SEC16A: variants seen among roughly 807,000 people sequenced by gnomAD.
The protein encoded by SEC16A is protein transport protein Sec16A.
In SEC16A, 110 loss-of-function variants were observed where a neutral mutation model predicts 221.9. That is an observed-to-expected ratio of 0.50 (90% CI 0.42 to 0.58). SEC16A has a LOEUF of 0.58. SEC16A is among the 20% of genes least tolerant of loss of function. The pLI is 0.00. For synonymous variants in SEC16A, 1,393 were observed against 1,257.7 expected (o/e 1.11, Z -2.28); for missense variants, 3,165 against 3,097.8 (o/e 1.02, Z -0.52).
At chr9:136,471,588 C>T (rs1840877898) in intron 4 of SEC16A, among the ~76,000 whole-genome samples, 2 of 152,216 alleles carry the variant, frequency 1.3e-5, no homozygotes, top group Admixed American at 1.3e-4. Flanking sequence ...CCTCCGGAGA[C>T]CGGTGAAAAG....
In SEC16A at chr9:136,459,653, G is replaced by T; in HGVS notation, c.5192-98C>A. On this transcript the variant is annotated intron_variant, in intron 15 of 31. Transcript: ENST00000684901. The surrounding 1 kb of genome is among the most constrained non-coding windows in gnomAD (Gnocchi z 6.1). The stretch of plus-strand genomic sequence containing the variant: ...CAGAAGGCACCAGAGACGCCAGCCG[G>T]ACCGAGAAGGCCGGGTTCTGGTGAT... The T allele has an allele frequency of 7.4e-7, 1 of 1,356,210 alleles. No homozygotes were observed. The highest frequency in any genetic ancestry group is 1.3e-5 in the South Asian group (1 of 79,760). The allele number at this position is 1,356,210 out of a possible 1,614,324, so 84.0% of individuals were successfully genotyped here.
At chr9:136,461,354 C>A in intron 12 of SEC16A, 80 bp from the exon 13 acceptor site, 2 of 999,314 alleles carry the variant, frequency 2.0e-6, no homozygotes, top group South Asian at 2.7e-5. Flanking sequence ...CATGTGTCCT[C>A]ACGCAGCAGC....
chr9:136,456,762 T>C (rs1330431063), intron 18 of SEC16A, among the ~76,000 whole-genome samples: 10 of 152,176 alleles, frequency 6.6e-5, no homozygotes, highest in Admixed American at 6.5e-4. Flanking sequence ...ATGCCGCCTC[T>C]GTTTTACAGG....
chr9:136,447,201 G>T lies in SEC16A; in HGVS notation c.6697+26C>A. The T allele has an allele frequency of 1.9e-6, 3 of 1,581,302 alleles. No individual in the cohort carries two copies. Among genetic ancestry groups the T allele is most frequent in the Non-Finnish European group, 1.7e-6 (2 of 1,164,430 alleles). On this transcript the variant is annotated intron_variant, in intron 27 of 31. Transcript: ENST00000684901. This position sits in a 1 kb window ranked among gnomAD's most constrained non-coding sequence, Gnocchi z 5.5. ...GGTCAGGAGACTGGGGGCTGACCTGGAGGGGCTGGTGCTCGTGCTACCTAC... is the reference window on the plus strand; with the variant it reads ...GGTCAGGAGACTGGGGGCTGACCTGTAGGGGCTGGTGCTCGTGCTACCTAC...
chr9:136,483,384 T>G, upstream of SEC16A: 23 of 178,752 alleles, frequency 1.3e-4, no homozygotes, highest in South Asian at 2.4e-4. Flanking sequence ...TCCCGCCCCC[T>G]TAGCCCCGCC....
In SEC16A at chr9:136,459,125, C is replaced by G; in HGVS notation, c.5409+9G>C. On this transcript the variant is annotated intron_variant, in intron 17 of 31. Transcript: ENST00000684901. The surrounding 1 kb of genome is among the most constrained non-coding windows in gnomAD (Gnocchi z 6.1). ...CCATGACAGCTGCAGGCTGGCAGCACCTGCTTACCTGGAAACTAGGCAGGG... is the reference window on the plus strand; with the variant it reads ...CCATGACAGCTGCAGGCTGGCAGCAGCTGCTTACCTGGAAACTAGGCAGGG... 1.2e-6 allele frequency: 2 copies of G among 1,600,710 alleles called. No homozygotes were observed. Among genetic ancestry groups the G allele is most frequent in the Non-Finnish European group, 1.7e-6 (2 of 1,170,870 alleles).
At chr9:136,481,399 G>A (rs565158779) in intron 1 of SEC16A, among the ~76,000 whole-genome samples, 306 of 152,164 alleles carry the variant, frequency 2.0e-3, no homozygotes, top group Non-Finnish European at 3.5e-3. Context: ...CAGCCTCCCA[G>A]AGTGCTGGGA....
upstream of SEC16A, chr9:136,483,429 C>T (rs1185989266): frequency 7.5e-5 from 49 of 653,758 alleles, 1 homozygote; most frequent in Non-Finnish European, 8.3e-5. Context: ...TCCTGTCGTT[C>T]CCGCCCCTTT....
Position 136,476,987 on chromosome 9 carries a change from T to C in SEC16A, c.629A>G (p.Gln210Arg), listed in dbSNP as rs1841732102. 6.2e-7 allele frequency: 1 copy of C among 1,613,184 alleles called. No homozygotes were observed. The highest frequency in any genetic ancestry group is 1.3e-5 in the African/African-American group (1 of 74,912). Residue 210 changes from glutamine to arginine, a missense_variant, in exon 3 of 32, where the codon CAG (glutamine) becomes CGG (arginine). By Grantham distance (43) the Gln-to-Arg change is conservative. This residue lies in a region of SEC16A where 2,030 missense variants were observed against 1,923.1 expected (regional missense o/e 1.06). Transcript: ENST00000684901. ...ASPSLPQPGL[Q>R]MPGQWGPVQG... ...CACTGGCCCCCACTGTCCTGGCATC[T>C]GCAGACCAGGCTGAGGGAGGGAAGG... is the stretch of plus-strand genomic sequence containing the variant.
In SEC16A at chr9:136,463,010, C is replaced by T. The variant is rs370959810; in HGVS notation, c.4770G>A (p.Val1590=). The change falls in exon 12 of 32, where the codon GTG becomes GTA. Residue 1590 remains valine, a synonymous_variant. Transcript: ENST00000684901. The stretch of plus-strand genomic sequence containing the variant: ...GGGCCTCACCAGACTCCTCCTCTTC[C>T]ACCTGCTCCACTGCCTCATTCGTGA... ...IDFTNEAVEQ[V]EEEESGEAQL... 29 of 1,611,626 alleles carry T rather than the reference C, an allele frequency of 1.8e-5. No individual in the cohort carries two copies. The highest frequency in any genetic ancestry group is 2.3e-5 in the Non-Finnish European group (27 of 1,179,904).
At chr9:136,463,383 C>A in intron 11 of SEC16A, 80 bp downstream of exon 11, 1 of 1,554,530 alleles carries the variant, frequency 6.4e-7, no homozygotes, top group Non-Finnish European at 8.8e-7. Flanking sequence ...TCCCGCCCTG[C>A]TCCTTCGGGA....
Position 136,476,026 on chromosome 9 carries a change from G to C in SEC16A, c.1590C>G (p.His530Gln). 6.2e-7 allele frequency: 1 copy of C among 1,613,280 alleles called. No individual in the cohort carries two copies. The highest frequency in any genetic ancestry group is 8.5e-7 in the Non-Finnish European group (1 of 1,179,850). The change falls in exon 3 of 32, where the codon CAC (histidine) becomes CAG (glutamine). Residue 530 changes from histidine (H) to glutamine (Q), a missense_variant. This residue lies in a region of SEC16A where 2,030 missense variants were observed against 1,923.1 expected (regional missense o/e 1.06). Transcript: ENST00000684901. ...SVSSSYSSRS[H>Q]GRLSGSARPQ... ...GCCTGGCTGAGCCTGAGAGCCTTCCGTGGCTTCTGCTGCTATAGCTGGATG... is the reference window on the plus strand; with the variant it reads ...GCCTGGCTGAGCCTGAGAGCCTTCCCTGGCTTCTGCTGCTATAGCTGGATG...
chr9:136,475,588 G>T lies in SEC16A; in HGVS notation c.2028C>A (p.Pro676=). 1 of 1,613,618 alleles carries T rather than the reference G, an allele frequency of 6.2e-7. No homozygotes were observed. The highest frequency in any genetic ancestry group is 8.5e-7 in the Non-Finnish European group (1 of 1,179,794). The change falls in exon 3 of 32, where the codon CCC becomes CCA. Residue 676 remains proline (P), a synonymous_variant. Transcript: ENST00000684901. This position sits in a 1 kb window ranked among gnomAD's most constrained non-coding sequence, Gnocchi z 5.0. ...CTTCCGTGGTGGAGTTAAGAGGCAG[G>T]GGACAGACCTGGGGTGCACAGAGGG... The part of the protein sequence containing the change: ...METLCAPQVC[P]LPLNSTTEAV...
At chr9:136,453,558 G>A in intron 21 of SEC16A, 48 bp from the exon 22 acceptor site, 1 of 1,483,610 alleles carries the variant, frequency 6.7e-7, no homozygotes, top group Non-Finnish European at 9.4e-7. Context: ...CGAGAAGGCG[G>A]GACGTGTGTG....
At chr9:136,463,429 A>G in intron 11 of SEC16A, 34 bp downstream of exon 11, 1 of 1,603,006 alleles carries the variant, frequency 6.2e-7, no homozygotes, top group Non-Finnish European at 8.5e-7. Flanking sequence ...AAGACCAGCA[A>G]GAAGAAACAC....
intron 12 of SEC16A, 26 bp from the exon 13 acceptor site, chr9:136,461,300 GGT>G (rs1564493583): frequency 1.3e-6 from 2 of 1,548,946 alleles, no homozygotes; most frequent in Non-Finnish European, 1.8e-6. Flanking sequence ...CAGGGACCTT[GGT>G]GGGTTATCGG....
Position 136,476,432 on chromosome 9 carries a change from G to A in SEC16A, c.1184C>T (p.Ser395Phe). Reference protein sequence around the residue: ...ENLSSEKAGLSGQADFDDFCS... With the variant: ...ENLSSEKAGLFGQADFDDFCS... Reference sequence around the variant, plus strand: ...GAAATCGTCAAAGTCCGCTTGACCAGATAAGCCTGCTTTTTCAGATGAGAG... The same window carrying A: ...GAAATCGTCAAAGTCCGCTTGACCAAATAAGCCTGCTTTTTCAGATGAGAG... The change falls in exon 3 of 32, where the codon TCT (serine) becomes TTT (phenylalanine). Residue 395 changes from serine to phenylalanine, a missense_variant. Around this residue, in one of 3 missense-constraint regions of SEC16A, gnomAD observed 2,030 missense variants for 1,923.1 expected, o/e 1.06. Transcript: ENST00000684901. The A allele has an allele frequency of 4.3e-6, 7 of 1,613,088 alleles. No homozygotes were observed. The highest frequency in any genetic ancestry group is 5.9e-6 in the Non-Finnish European group (7 of 1,179,842).
At position 136,451,400 on chromosome 9, in the gene SEC16A, C is replaced by T. The variant is rs368869600; in HGVS notation, c.6168G>A (p.Ser2056=). 4.4e-4 allele frequency: 706 copies of T among 1,604,278 alleles called. 7 individuals carry two copies. The South Asian group carries it at 6.2e-3, about 14-fold the overall frequency. The part of the protein sequence containing the change: ...FDGKFANLTP[S]RTVPDSEAPP... Reference sequence around the variant, plus strand: ...GGGCCTCCGAGTCTGGCACCGTCCTCGAGGGGGTCTGTCGCAAGGAAATGC... The same window carrying T: ...GGGCCTCCGAGTCTGGCACCGTCCTTGAGGGGGTCTGTCGCAAGGAAATGC... The change falls in exon 23 of 32, where the codon TCG becomes TCA. Residue 2056 remains serine, a synonymous_variant. Coordinates refer to ENST00000684901, the MANE Select transcript of SEC16A (RefSeq NM_014866.2).
At position 136,466,755 on chromosome 9, in the gene SEC16A, G is replaced by A. The variant is rs1840217498; in HGVS notation, c.3929+202C>T. Among the ~76,000 whole-genome samples, 1 of 152,234 alleles carries A rather than the reference G, an allele frequency of 6.6e-6. No individual in the cohort carries two copies. Among genetic ancestry groups the A allele is most frequent in the Non-Finnish European group, 1.5e-5 (1 of 68,048 alleles). On this transcript the variant is annotated intron_variant, in intron 6 of 31. Transcript: ENST00000684901. The surrounding 1 kb of genome is among the most constrained non-coding windows in gnomAD (Gnocchi z 5.5). ...AGGTGCTGAACAGTCCTCTTGCTGA[G>A]GCCAGTTCTCCTCTAACAGTCCAAG...
Sources: gnomAD v4.1 joint callset for allele counts (sites outside exome capture counted in the v4.1 genomes callset) on GRCh38, gnomAD v4.1.1 for gene constraint, gnomAD v4.1.1 regional missense constraint, Gnocchi (gnomAD v3.1) non-coding constraint, MANE v1.5 for transcripts, NCBI Gene and HGNC (gene_info 2026-07-23, HGNC 2026-07-21) for gene names.